The following MMS22L variants were observed in gnomAD, a reference collection of about 807,000 sequenced individuals.
The protein encoded by MMS22L is protein MMS22-like.
Under a neutral mutation model 159.1 loss-of-function variants are expected in MMS22L, and 74 were observed. That is an observed-to-expected ratio of 0.47 (90% CI 0.39 to 0.56). The LOEUF (loss-of-function observed/expected upper bound fraction) is 0.56. MMS22L is among the 20% of genes least tolerant of loss of function. The pLI, the probability that MMS22L is intolerant of heterozygous loss-of-function variation, is 0.00. For missense variants in MMS22L, 1,351 were observed against 1,422.1 expected (o/e 0.95, Z 0.80); for synonymous variants, 517 against 506.9 (o/e 1.02, Z -0.27).
chr6:97,235,841 CTT>C (rs1490110862), intron 11 of MMS22L, among the ~76,000 whole-genome samples: 1 of 152,104 alleles, frequency 6.6e-6, no homozygotes, highest in Non-Finnish European at 1.5e-5. Flanking sequence ...GGAATTAGCT[CTT>C]GATAGAAAGT....
chr6:97,279,870 T>C (rs969116321), intron 3 of MMS22L, among the ~76,000 whole-genome samples: 1 of 152,046 alleles, frequency 6.6e-6, no homozygotes, highest in African/African-American at 2.4e-5. Flanking sequence ...TATCATACAG[T>C]TATACAATAG....
intron 22 of MMS22L, among the ~76,000 whole-genome samples, chr6:97,155,116 T>A (rs1801694839): frequency 6.6e-6 from 1 of 152,116 alleles, no homozygotes; most frequent in Admixed American, 6.6e-5. Context: ...ATCTTGTTTT[T>A]TTAAGAATCC....
intron 11 of MMS22L, among the ~76,000 whole-genome samples, chr6:97,234,350 C>T (rs1811176784): frequency 6.6e-6 from 1 of 152,116 alleles, no homozygotes; most frequent in Non-Finnish European, 1.5e-5. Flanking sequence ...ATCCAGAGTG[C>T]TTGGTCATAC....
rs1375153466 is a variant in MMS22L, at chr6:97,247,257, C to T, written c.1120-567G>A. ...GGCTAGGTAGGCACTTAAAACAATT[C>T]CACATTTCCAAAAGGAAAGCCTGGA... On this transcript the variant is annotated intron_variant, in intron 10 of 24. Transcript: ENST00000683635. Among the ~76,000 whole-genome samples, 6 of 152,128 alleles carry T rather than the reference C, an allele frequency of 3.9e-5. No individual in the cohort carries two copies. The East Asian group carries it at 9.6e-4, about 24-fold the overall frequency.
At chr6:97,264,489 C>G (rs924934649) in intron 8 of MMS22L, 1 of 151,798 alleles carries the variant, frequency 6.6e-6, no homozygotes, top group Non-Finnish European at 1.5e-5. Context: ...GTTATGTACA[C>G]TTTTCTAACC....
At chr6:97,281,487 G>A in intron 2 of MMS22L, 125 bp from the exon 3 acceptor site, 2 of 711,942 alleles carry the variant, frequency 2.8e-6, no homozygotes, top group Non-Finnish European at 4.5e-6. Flanking sequence ...AAAATGCCTT[G>A]GTACTTTACA....
intron 11 of MMS22L, among the ~76,000 whole-genome samples, chr6:97,234,401 T>C (rs1329675319): frequency 6.6e-6 from 1 of 152,202 alleles, no homozygotes; most frequent in Non-Finnish European, 1.5e-5. Flanking sequence ...TTATAGGAGT[T>C]GTTCTTTCTA....
chr6:97,156,909 G>T (rs1380995853), intron 22 of MMS22L, among the ~76,000 whole-genome samples: 3 of 152,080 alleles, frequency 2.0e-5, no homozygotes, highest in African/African-American at 7.2e-5. Context: ...ACTTTGGGGA[G>T]TATGGCCATT....
In MMS22L at chr6:97,233,879, T is replaced by G. The variant is rs1001074297; in HGVS notation, c.1284A>C (p.Glu428Asp). Residue 428 changes from glutamate to aspartate, a missense_variant, in exon 12 of 25, where the codon GAA becomes GAC. Physicochemically the swap from Glu to Asp is conservative, Grantham distance 45. Transcript: ENST00000683635. ...CACTCACCAGGTTCTTACTATAATA[T>G]TCCCATAAAATGGTAACAATTGCAA... ...PNIAIVTILW[E>D]YYSKNLNSSF... 1 of 1,608,088 alleles carries G rather than the reference T, an allele frequency of 6.2e-7. No individual in the cohort carries two copies. Among genetic ancestry groups the G allele is most frequent in the Non-Finnish European group, 8.5e-7 (1 of 1,177,714 alleles).
rs1802858361 is a variant in MMS22L, at chr6:97,165,375, A to G, written c.3092T>C (p.Ile1031Thr). Residue 1031 changes from isoleucine (I) to threonine (T), a missense_variant, in exon 21 of 25, where the codon ATT (isoleucine) becomes ACT (threonine). Coordinates refer to ENST00000683635, the MANE Select transcript of MMS22L (RefSeq NM_001350599.2). ...TGGTGAAGCTGGAAGAAATCGCCCA[A>G]TATACTGCTCAATAACATTCCCTAG... ...QLLGNVIEQY[I>T]GRFLPASPYV... The G allele has an allele frequency of 1.9e-6, 3 of 1,613,412 alleles. No homozygotes were observed.
chr6:97,216,971 G>C (rs1809081952), intron 14 of MMS22L, among the ~76,000 whole-genome samples: 2 of 152,108 alleles, frequency 1.3e-5, no homozygotes, highest in South Asian at 4.1e-4. Flanking sequence ...TCTTTACAGA[G>C]TATATTTATT....
intron 11 of MMS22L, among the ~76,000 whole-genome samples, chr6:97,242,440 G>C (rs1179539632): frequency 6.6e-6 from 1 of 152,128 alleles, no homozygotes; most frequent in East Asian, 1.9e-4. Context: ...GGGTCCATTT[G>C]AATGGACTAT....
intron 14 of MMS22L, among the ~76,000 whole-genome samples, chr6:97,198,345 A>G (rs1806769837): frequency 6.6e-6 from 1 of 152,136 alleles, no homozygotes; most frequent in African/African-American, 2.4e-5. Context: ...TTACTCACAG[A>G]CATTGAATTA....
chr6:97,229,056 A>G lies in MMS22L; in HGVS notation c.1877T>C (p.Ile626Thr). Reference protein sequence around the residue: ...QRQTIWTLLSIYIDGVQEVFE... With the variant: ...QRQTIWTLLSTYIDGVQEVFE... Reference sequence around the variant, plus strand: ...CACTTCTTGAACACCATCAATGTATATGGAAAGAAGGGTCCAGATAGTCTG... The same window carrying G: ...CACTTCTTGAACACCATCAATGTATGTGGAAAGAAGGGTCCAGATAGTCTG... Residue 626 changes from isoleucine to threonine, a missense_variant, in exon 14 of 25, where the codon ATA becomes ACA. Ile to Thr is a moderately conservative substitution (Grantham distance 89, BLOSUM62 -1). Transcript: ENST00000683635. 4 of 1,614,170 alleles carry G rather than the reference A, an allele frequency of 2.5e-6. No homozygotes were observed. Among genetic ancestry groups the G allele is most frequent in the Non-Finnish European group, 3.4e-6 (4 of 1,180,018 alleles).
intron 11 of MMS22L, among the ~76,000 whole-genome samples, chr6:97,238,218 CAGTA>C (rs1293138783): frequency 6.6e-6 from 1 of 152,158 alleles, no homozygotes; most frequent in Non-Finnish European, 1.5e-5. Flanking sequence ...AAGGTATGTG[CAGTA>C]AGTGTTAAGC....
At chr6:97,236,747 C>T (rs772774291) in intron 11 of MMS22L, among the ~76,000 whole-genome samples, 10 of 152,020 alleles carry the variant, frequency 6.6e-5, no homozygotes, top group Non-Finnish European at 1.3e-4. Context: ...GTCAGGAGAT[C>T]GAGACCATCC....
At chr6:97,252,627 AGAGT>A (rs1408561756) in intron 10 of MMS22L, among the ~76,000 whole-genome samples, 1 of 151,332 alleles carries the variant, frequency 6.6e-6, no homozygotes, top group Non-Finnish European at 1.5e-5. Context: ...CCTGGGTGAC[AGAGT>A]GAGACTCCAT....
chr6:97,236,153 C>G (rs1379972009), intron 11 of MMS22L, among the ~76,000 whole-genome samples: 1 of 151,854 alleles, frequency 6.6e-6, no homozygotes, highest in African/African-American at 2.4e-5. Flanking sequence ...CATGGCGAAA[C>G]CCCATCTCTA....
chr6:97,252,725 G>A (rs973064631), intron 10 of MMS22L, among the ~76,000 whole-genome samples: 34 of 151,300 alleles, frequency 2.2e-4, no homozygotes, highest in Non-Finnish European at 2.4e-4. Flanking sequence ...ATACACAACA[G>A]AAACTCAGAA....
Sources: gnomAD v4.1 joint callset for allele counts (sites outside exome capture counted in the v4.1 genomes callset) on GRCh38, gnomAD v4.1.1 for gene constraint, MANE v1.5 for transcripts, NCBI Gene and HGNC (gene_info 2026-07-23, HGNC 2026-07-21) for gene names.